ECEL1: variants seen among roughly 807,000 people sequenced by gnomAD.
ECEL1 encodes the protein endothelin converting enzyme like 1, also known as endothelin-converting enzyme-like 1.
A neutral mutation model predicts 101.8 loss-of-function variants in ECEL1; 87 were observed. That is an observed-to-expected ratio of 0.85 (90% CI 0.72 to 1.02). The LOEUF (loss-of-function observed/expected upper bound fraction) is 1.02. ECEL1 is among the 50% of genes least tolerant of loss of function. The pLI, the probability that ECEL1 is intolerant of heterozygous loss-of-function variation, is 0.00. For missense variants in ECEL1, 1,032 were observed against 1,079.2 expected, an observed-to-expected ratio of 0.96 and a Z score of 0.61; for synonymous variants, 487 against 468.7, an observed-to-expected ratio of 1.04 and a Z score of -0.50.
intron 15 of ECEL1, 64 bp downstream of exon 15, chr2:232,481,027 T>C: frequency 1.3e-6 from 2 of 1,539,028 alleles, no homozygotes; most frequent in Non-Finnish European, 1.8e-6. Flanking sequence ...CTGTCCCTCA[T>C]CTGGAGTCCT....
Position 232,486,573 on chromosome 2 carries a change from G to GC in ECEL1, c.80dup (p.Ala28ArgfsTer74). ...CCGGGGGCAGGGAGGCCCCGCGCGC[G>GC]CCCCCCGCGCCGCAGCGGCTCACGT... On this transcript the variant is annotated frameshift_variant, in exon 2 of 18. Transcript: ENST00000304546. LOFTEE classifies it high-confidence loss of function. The GC allele has an allele frequency of 1.2e-5, 16 of 1,380,770 alleles. No individual in the cohort carries two copies. The highest frequency in any genetic ancestry group is 1.5e-5 in the African/African-American group (1 of 66,268). 85.5% of individuals were successfully genotyped at this position (1,380,770 alleles called of 1,614,324 possible). A position where few individuals can be genotyped will look rare whatever the true frequency, so the allele number is the denominator to read the frequency against.
chr2:232,487,326 G>A (rs909317885), intron 1 of ECEL1, among the ~76,000 whole-genome samples: 12 of 152,156 alleles, frequency 7.9e-5, no homozygotes, highest in Non-Finnish European at 1.6e-4. Flanking sequence ...TTCCCTAGGG[G>A]CGCGCGCCAA....
At chr2:232,480,327 T>C in intron 17 of ECEL1, 72 bp downstream of exon 17, 1 of 1,612,164 alleles carries the variant, frequency 6.2e-7, no homozygotes, top group Non-Finnish European at 8.5e-7. Flanking sequence ...GTGACTTTTA[T>C]TCCTTCCCAT....
chr2:232,486,244 C>T lies in ECEL1; in HGVS notation c.410G>A (p.Arg137His). ...YSFACGGWLRRHAIPDDKLTY... is the reference protein window; with the variant it reads ...YSFACGGWLRHHAIPDDKLTY... ...GAGCTTGTCGTCGGGGATGGCGTGGCGCCGCAGCCAACCGCCGCAGGCGAA... is the reference window on the plus strand; with the variant it reads ...GAGCTTGTCGTCGGGGATGGCGTGGTGCCGCAGCCAACCGCCGCAGGCGAA... Residue 137 changes from arginine (R) to histidine (H), a missense_variant, in exon 2 of 18, where the codon CGC (arginine) becomes CAC (histidine). Arg to His is a conservative substitution (Grantham distance 29). Transcript: ENST00000304546. 1 of 1,600,560 alleles carries T rather than the reference C, an allele frequency of 6.2e-7. No homozygotes were observed. Among genetic ancestry groups the T allele is most frequent in the Non-Finnish European group, 8.5e-7 (1 of 1,178,168 alleles).
At position 232,480,354 on chromosome 2, in the gene ECEL1, C is replaced by A. The variant is rs751349206; in HGVS notation, c.2228+45G>T. 1.9e-6 allele frequency: 3 copies of A among 1,612,330 alleles called. No homozygotes were observed. The African/African-American group carries it at 4.0e-5, about 22-fold the overall frequency. On this transcript the variant is annotated intron_variant, in intron 17 of 17. Coordinates refer to ENST00000304546, the MANE Select transcript of ECEL1 (RefSeq NM_004826.4). ...CCTTCCCATGCCCCCTGATCCCACC[C>A]CAAACACAAGGAGTGGACAAGGCCA...
rs1431312883 is a variant in ECEL1, at chr2:232,483,911, T to A, written c.1407+90A>T. 3 of 1,391,704 alleles carry A rather than the reference T, an allele frequency of 2.2e-6. No individual in the cohort carries two copies. The East Asian group carries it at 6.9e-5, about 32-fold the overall frequency. The allele number at this position is 1,391,704 out of a possible 1,614,324, so 86.2% of individuals were successfully genotyped here. ...CTGGTCCCCCTGCCTGCAGGGGACA[T>A]GTGGGGCTCCCCATATTAGGACCAT... On this transcript the variant is annotated intron_variant, in intron 7 of 17. Transcript: ENST00000304546.
In ECEL1 at chr2:232,481,788, C is replaced by T. The variant is rs142492002; in HGVS notation, c.1858G>A (p.Asp620Asn). Residue 620 changes from aspartate to asparagine, a missense_variant, in exon 13 of 18, where the codon GAC (aspartate) becomes AAC (asparagine). Transcript: ENST00000304546. ...GGGCCCCAACAGGCCTCACCCCAGT[C>T]GTCGTAGCCGTGGGTCAGCTCATGT... is the stretch of plus-strand genomic sequence containing the variant. The part of the protein sequence containing the change: ...IGHELTHGYD[D>N]WGGQYDRSGN... 6.6e-3 allele frequency: 10,645 copies of T among 1,613,888 alleles called. 285 individuals carry two copies. Among genetic ancestry groups the T allele is most frequent in the South Asian group, 0.06 (5,493 of 91,070 alleles).
intron 1 of ECEL1, 60 bp from the exon 2 acceptor site, chr2:232,486,814 C>A (rs1690742392): frequency 1.4e-6 from 1 of 727,760 alleles, no homozygotes; most frequent in Admixed American, 4.5e-5. Context: ...CTCAGGGTCA[C>A]CGCGAGGAGG....
At position 232,483,630 on chromosome 2, in the gene ECEL1, G is replaced by A. The variant is rs1161010180; in HGVS notation, c.1408-116C>T. On this transcript the variant is annotated intron_variant, in intron 7 of 17. Coordinates refer to ENST00000304546, the MANE Select transcript of ECEL1 (RefSeq NM_004826.4). Reference sequence around the variant, plus strand: ...CTTTCTAAGCCCAAACCTCATTTCTGAACACCAAGAGGATACTTTGGAGGT... The same window carrying A: ...CTTTCTAAGCCCAAACCTCATTTCTAAACACCAAGAGGATACTTTGGAGGT... 8 of 821,086 alleles carry A rather than the reference G, an allele frequency of 9.7e-6. No homozygotes were observed. In the South Asian group the frequency reaches 1.1e-4, roughly 12 times the overall value. The allele number at this position is 821,086 out of a possible 1,614,324, so 50.9% of individuals were successfully genotyped here.
chr2:232,482,556 G>T lies in ECEL1; in HGVS notation c.1738C>A (p.Gln580Lys), dbSNP rs199600887. The T allele has an allele frequency of 6.2e-7, 1 of 1,613,890 alleles. No homozygotes were observed. The highest frequency in any genetic ancestry group is 2.2e-5 in the East Asian group (1 of 44,886). Residue 580 changes from glutamine to lysine, a missense_variant, in exon 11 of 18, where the codon CAG becomes AAG. Coordinates refer to ENST00000304546, the MANE Select transcript of ECEL1 (RefSeq NM_004826.4). ...LNAYYLPNKN[Q>K]MVFPAGILQP... The stretch of plus-strand genomic sequence containing the variant: ...TAGGGACACATCCCCTTACCCATCT[G>T]GTTCTTGTTGGGTAGATAGTAGGCA...
Position 232,482,589 on chromosome 2 carries a change from C to A in ECEL1, c.1705G>T (p.Ala569Ser). The A allele has an allele frequency of 6.2e-7, 1 of 1,612,918 alleles. No individual in the cohort carries two copies. Among genetic ancestry groups the A allele is most frequent in the East Asian group, 2.2e-5 (1 of 44,850 alleles). The change falls in exon 11 of 18, where the codon GCG becomes TCG. Residue 569 changes from alanine to serine, a missense_variant. Physicochemically the swap from Ala to Ser is moderately conservative, Grantham distance 99. Transcript: ENST00000304546. ...TTGGGTAGATAGTAGGCATTGAGCG[C>A]CTGTGGGGGGAGCAGCCACCTGTGG... ...DKSTWLLPPQ[A>S]LNAYYLPNKN... is the part of the protein sequence containing the mutation.
intron 16 of ECEL1, 69 bp from the exon 17 acceptor site, chr2:232,480,544 A>G: frequency 1.3e-6 from 2 of 1,589,008 alleles, no homozygotes; most frequent in Admixed American, 1.7e-5. Context: ...CTTGCCCCCC[A>G]CCCAGCACAC....
At position 232,481,688 on chromosome 2, in the gene ECEL1, C is replaced by G; in HGVS notation, c.1865-58G>C. 3.1e-6 allele frequency: 5 copies of G among 1,604,612 alleles called. No homozygotes were observed. In the South Asian group the frequency reaches 5.5e-5, roughly 18 times the overall value. ...TCACCTGAGCCCCCTCCCCTCCCCA[C>G]CCACCAGCCCCAGTTAGGCCATCCC... is the stretch of plus-strand genomic sequence containing the variant. On this transcript the variant is annotated intron_variant, in intron 13 of 17. Coordinates refer to ENST00000304546, the MANE Select transcript of ECEL1 (RefSeq NM_004826.4).
chr2:232,484,015 C>T lies in ECEL1; in HGVS notation c.1393G>A (p.Ala465Thr). 1 of 1,603,516 alleles carries T rather than the reference C, an allele frequency of 6.2e-7. No individual in the cohort carries two copies. Among genetic ancestry groups the T allele is most frequent in the Non-Finnish European group, 8.5e-7 (1 of 1,172,030 alleles). ...GGGCAACCCACCTTGGCTTTGCTGG[C>T]AGCTGAGAAGTGCTCATGTACAAAG... ...ALFVHEHFSA[A>T]SKAKVQQLVE... is the part of the protein sequence containing the mutation. Residue 465 changes from alanine (A) to threonine (T), a missense_variant, in exon 7 of 18, where the codon GCC becomes ACC. Ala to Thr is a moderately conservative substitution (Grantham distance 58). Transcript: ENST00000304546.
At position 232,486,596 on chromosome 2, in the gene ECEL1, C is replaced by G. The variant is rs748368427; in HGVS notation, c.58G>C (p.Val20Leu). The G allele has an allele frequency of 1.4e-6, 2 of 1,472,972 alleles. No homozygotes were observed. Among genetic ancestry groups the G allele is most frequent in the Admixed American group, 2.3e-5 (1 of 42,996 alleles). The allele number at this position is 1,472,972 out of a possible 1,614,324, so 91.2% of individuals were successfully genotyped here. A position where few individuals can be genotyped will look rare whatever the true frequency, so the allele number is the denominator to read the frequency against. Residue 20 changes from valine to leucine, a missense_variant, in exon 2 of 18, where the codon GTG becomes CTG. Physicochemically the swap from Val to Leu is conservative, Grantham distance 32 (BLOSUM62 1). Coordinates refer to ENST00000304546, the MANE Select transcript of ECEL1 (RefSeq NM_004826.4). ...GCGCCCCCCGCGCCGCAGCGGCTCA[C>G]GTACTTGACCTCTTGGAACTCATCG... is the stretch of plus-strand genomic sequence containing the variant. The part of the protein sequence containing the change: ...HYDEFQEVKY[V>L]SRCGAGGARG...
chr2:232,480,088 C>A lies in ECEL1; in HGVS notation c.*65G>T, dbSNP rs1690536763. The A allele has an allele frequency of 6.5e-7, 1 of 1,542,234 alleles. No homozygotes were observed. Among genetic ancestry groups the A allele is most frequent in the Non-Finnish European group, 8.9e-7 (1 of 1,122,368 alleles). On this transcript the variant is annotated 3_prime_UTR_variant, in exon 18 of 18. Transcript: ENST00000304546. ...GGGGCTGGCACCGGGTGCATGCCTGCCCCGGTAGCCAGCAGGAGGTGATTC... is the reference window on the plus strand; with the variant it reads ...GGGGCTGGCACCGGGTGCATGCCTGACCCGGTAGCCAGCAGGAGGTGATTC...
rs1357374458 is a variant in ECEL1, at chr2:232,480,754, G to A, written c.2115C>T (p.Tyr705=). 9 of 1,614,162 alleles carry A rather than the reference G, an allele frequency of 5.6e-6. No homozygotes were observed. Among genetic ancestry groups the A allele is most frequent in the Non-Finnish European group, 6.8e-6 (8 of 1,180,012 alleles). The change falls in exon 16 of 18, where the codon TAC becomes TAT. Residue 705 remains tyrosine, a synonymous_variant. Coordinates refer to ENST00000304546, the MANE Select transcript of ECEL1 (RefSeq NM_004826.4). ...GPEHPLPRLK[Y]THDQLFFIAF... is the part of the protein sequence containing the mutation. The stretch of plus-strand genomic sequence containing the variant: ...CAATGAAGAAGAGCTGGTCATGTGT[G>A]TACTTGAGCCGGGGAAGTGGGTGCT...
chr2:232,483,385 G>A, intron 8 of ECEL1, 31 bp downstream of exon 8: 2 of 1,587,122 alleles, frequency 1.3e-6, no homozygotes, highest in Non-Finnish European at 1.7e-6. Flanking sequence ...ATATATATGG[G>A]ACCAACCAAT....
At chr2:232,481,957 G>A in intron 12 of ECEL1, 108 bp from the exon 13 acceptor site, 1 of 1,431,928 alleles carries the variant, frequency 7.0e-7, no homozygotes. Flanking sequence ...GTGGCACAGG[G>A]AGGCCACAGA....
Sources: gnomAD v4.1 joint callset for allele counts (sites outside exome capture counted in the v4.1 genomes callset) on GRCh38, gnomAD v4.1.1 for gene constraint, MANE v1.5 for transcripts, NCBI Gene and HGNC (gene_info 2026-07-23, HGNC 2026-07-21) for gene names.